Variants in TTC9 observed in about 807,000 individuals in gnomAD.
TTC9 encodes tetratricopeptide repeat protein 9A.
In TTC9, 13 loss-of-function variants were observed where a neutral mutation model predicts 22.9. That is an observed-to-expected ratio of 0.57 (90% confidence interval 0.37 to 0.90). The LOEUF (loss-of-function observed/expected upper bound fraction) is 0.90, where lower values mean the gene tolerates loss of function less well. Among genes scored for constraint, TTC9 ranks in the 40% least tolerant of loss-of-function variants. TTC9 has a pLI of 0.01. For missense variants in TTC9, 280 were observed against 291.8 expected (o/e 0.96, Z 0.29); for synonymous variants, 148 against 133.2 (o/e 1.11, Z -0.77).
At chr14:70,647,942 G>A (rs942932093) in intron 1 of TTC9, among the ~76,000 whole-genome samples, 1 of 152,192 alleles carries the variant, frequency 6.6e-6, no homozygotes, top group African/African-American at 2.4e-5. Context: ...GACAAAATTG[G>A]ATACAGACTC....
rs1418754441 is a variant in TTC9, at chr14:70,673,350, G to C, written c.*2195G>C. ...ACATAGTTCCCCAAAGGCTTTCAAC[G>C]GGGGCTACAGGAAGGTGCTAGAAAT... is the stretch of plus-strand genomic sequence containing the variant. On this transcript the variant is annotated 3_prime_UTR_variant, in exon 3 of 3. Coordinates refer to ENST00000256367, the MANE Select transcript of TTC9 (RefSeq NM_015351.2). 6.6e-6 allele frequency: 1 copy of C among 152,168 alleles called. No individual in the cohort carries two copies. Among genetic ancestry groups the C allele is most frequent in the Non-Finnish European group, 1.5e-5 (1 of 68,036 alleles). 9.4% of individuals were successfully genotyped at this position (152,168 alleles called of 1,614,324 possible). A position where few individuals can be genotyped will look rare whatever the true frequency, so the allele number is the denominator to read the frequency against.
At chr14:70,647,695 T>G (rs1221509394) in intron 1 of TTC9, among the ~76,000 whole-genome samples, 1 of 152,320 alleles carries the variant, frequency 6.6e-6, no homozygotes, top group African/African-American at 2.4e-5. Flanking sequence ...GAGAGTGGTA[T>G]TGTGCCCATC....
In TTC9 at chr14:70,675,163, T is replaced by C. The variant is rs1160888486; in HGVS notation, c.*4008T>C. 2 of 152,232 alleles carry C rather than the reference T, an allele frequency of 1.3e-5. No individual in the cohort carries two copies. The highest frequency in any genetic ancestry group is 2.9e-5 in the Non-Finnish European group (2 of 68,040). The allele number at this position is 152,232 out of a possible 1,614,324, so 9.4% of individuals were successfully genotyped here. ...TCTTTGATTCTTCGCGAATAACATT[T>C]TCATATGCTTATTGACCATTTGTAC... is the stretch of plus-strand genomic sequence containing the variant. On this transcript the variant is annotated 3_prime_UTR_variant, in exon 3 of 3. Coordinates refer to ENST00000256367, the MANE Select transcript of TTC9 (RefSeq NM_015351.2).
intron 1 of TTC9, among the ~76,000 whole-genome samples, chr14:70,661,114 C>T (rs1886139584): frequency 6.6e-6 from 1 of 152,194 alleles, no homozygotes; most frequent in South Asian, 2.1e-4. Context: ...TTCCAAGCCT[C>T]TCTCCTAACT....
intron 1 of TTC9, among the ~76,000 whole-genome samples, chr14:70,647,616 C>T (rs892740977): frequency 2.6e-5 from 4 of 152,240 alleles, no homozygotes; most frequent in African/African-American, 7.2e-5. Flanking sequence ...TGAACTCTCA[C>T]GCATCATGGG....
Position 70,662,894 on chromosome 14 carries a change from A to G in TTC9, c.407-4670A>G, listed in dbSNP as rs571258020. Among the ~76,000 whole-genome samples, 4 of 152,356 alleles carry G rather than the reference A, an allele frequency of 2.6e-5. 1 individual carries two copies. In the South Asian group the frequency reaches 8.3e-4, roughly 32 times the overall value. On this transcript the variant is annotated intron_variant, in intron 1 of 2. Transcript: ENST00000256367. ...ACACTTCTCGACAATCAGGAAATCC[A>G]AAATGACAATAAAGATCTCCCAGAT...
chr14:70,656,608 G>C (rs950939166), intron 1 of TTC9, among the ~76,000 whole-genome samples: 2 of 152,186 alleles, frequency 1.3e-5, no homozygotes, highest in East Asian at 1.9e-4. Context: ...ATTGAAATGG[G>C]AGACGTTCTT....
At position 70,674,183 on chromosome 14, in the gene TTC9, G is replaced by A. The variant is rs1047573862; in HGVS notation, c.*3028G>A. The A allele has an allele frequency of 6.6e-6, 1 of 152,134 alleles. No homozygotes were observed. Among genetic ancestry groups the A allele is most frequent in the African/African-American group, 2.4e-5 (1 of 41,418 alleles). The allele number at this position is 152,134 out of a possible 1,614,324, so 9.4% of individuals were successfully genotyped here. A position where few individuals can be genotyped will look rare whatever the true frequency, so the allele number is the denominator to read the frequency against. ...GTTGCGGATGTCACTGCTGACCTATGTAGCTGGAGTACTAATCAGGCATCT... is the reference window on the plus strand; with the variant it reads ...GTTGCGGATGTCACTGCTGACCTATATAGCTGGAGTACTAATCAGGCATCT... On this transcript the variant is annotated 3_prime_UTR_variant, in exon 3 of 3. Coordinates refer to ENST00000256367, the MANE Select transcript of TTC9 (RefSeq NM_015351.2).
chr14:70,672,907 CTGTAAG>C lies in TTC9; in HGVS notation c.*1754_*1759del, dbSNP rs1197843638. ...ATCTATGCTATACTTAGTTGCCTCT[CTGTAAG>C]TATAATATTGGGCAATTATAACCAT... On this transcript the variant is annotated 3_prime_UTR_variant, in exon 3 of 3. Transcript: ENST00000256367. 1 of 152,202 alleles carries C rather than the reference CTGTAAG, an allele frequency of 6.6e-6. No individual in the cohort carries two copies. Among genetic ancestry groups the C allele is most frequent in the African/African-American group, 2.4e-5 (1 of 41,448 alleles). The allele number at this position is 152,202 out of a possible 1,614,324, so 9.4% of individuals were successfully genotyped here.
intron 1 of TTC9, among the ~76,000 whole-genome samples, chr14:70,653,806 T>C (rs540619501): frequency 6.6e-6 from 1 of 152,192 alleles, no homozygotes; most frequent in African/African-American, 2.4e-5. Context: ...AGGATTTGCC[T>C]GCTGGGAAGA....
At chr14:70,664,245 G>A (rs566190029) in intron 1 of TTC9, among the ~76,000 whole-genome samples, 36 of 151,830 alleles carry the variant, frequency 2.4e-4, no homozygotes, top group Admixed American at 1.2e-3. Flanking sequence ...GCCAGTCCAC[G>A]TCGTCTTAAC....
At chr14:70,668,031 T>C (rs1351728702) in intron 2 of TTC9, among the ~76,000 whole-genome samples, 2 of 152,158 alleles carry the variant, frequency 1.3e-5, no homozygotes, top group African/African-American at 4.8e-5. Flanking sequence ...AACAAATATA[T>C]ATATATTGAA....
At chr14:70,651,357 A>G (rs1032991899) in intron 1 of TTC9, among the ~76,000 whole-genome samples, 5 of 151,474 alleles carry the variant, frequency 3.3e-5, no homozygotes, top group African/African-American at 1.2e-4. Flanking sequence ...TTTAAGAAAA[A>G]TGATGACATG....
In TTC9 at chr14:70,642,016, G is replaced by A. The variant is rs1463666054; in HGVS notation, c.-114G>A. 8.5e-6 allele frequency: 6 copies of A among 704,382 alleles called. No homozygotes were observed. Among genetic ancestry groups the A allele is most frequent in the African/African-American group, 7.7e-5 (4 of 51,640 alleles). The allele number at this position is 704,382 out of a possible 1,614,324, so 43.6% of individuals were successfully genotyped here. A position where few individuals can be genotyped will look rare whatever the true frequency, so the allele number is the denominator to read the frequency against. On this transcript the variant is annotated 5_prime_UTR_variant, in exon 1 of 3. Coordinates refer to ENST00000256367, the MANE Select transcript of TTC9 (RefSeq NM_015351.2). ...CGCCGCGGGGTGTCACGGCCGCCAC[G>A]AAGCCTGCGAGGCGCGGGGCCGGCG... is the stretch of plus-strand genomic sequence containing the variant.
intron 1 of TTC9, among the ~76,000 whole-genome samples, chr14:70,644,243 TG>T (rs1267222433): frequency 2.6e-5 from 4 of 152,180 alleles, no homozygotes; most frequent in African/African-American, 7.2e-5. Context: ...GATGTGTCCT[TG>T]GTCAGGCCAG....
intron 1 of TTC9, among the ~76,000 whole-genome samples, chr14:70,666,761 G>T (rs1886221485): frequency 6.6e-6 from 1 of 152,164 alleles, no homozygotes; most frequent in Non-Finnish European, 1.5e-5. Flanking sequence ...TACCCACATT[G>T]GAGTATTCTG....
intron 1 of TTC9, among the ~76,000 whole-genome samples, chr14:70,666,922 C>G (rs543502329): frequency 1.3e-5 from 2 of 152,240 alleles, no homozygotes; most frequent in South Asian, 4.2e-4. Context: ...CTAAGGCTGC[C>G]TACAACAAAG....
At chr14:70,661,433 T>A (rs1394921183) in intron 1 of TTC9, among the ~76,000 whole-genome samples, 1 of 152,260 alleles carries the variant, frequency 6.6e-6, no homozygotes, top group Non-Finnish European at 1.5e-5. Context: ...TCCTTCTCGC[T>A]GCTGGCCCCA....
At chr14:70,651,987 C>T (rs567731094) in intron 1 of TTC9, among the ~76,000 whole-genome samples, 4 of 151,964 alleles carry the variant, frequency 2.6e-5, no homozygotes, top group African/African-American at 9.7e-5. Flanking sequence ...GGAGTGGGGA[C>T]AGTTGGGACC....
Sources: gnomAD v4.1 joint callset for allele counts (sites outside exome capture counted in the v4.1 genomes callset) on GRCh38, gnomAD v4.1.1 for gene constraint, MANE v1.5 for transcripts, NCBI Gene and HGNC (gene_info 2026-07-23, HGNC 2026-07-21) for gene names.